PPP1R16A: variants seen among roughly 807,000 people sequenced by gnomAD.
The protein encoded by PPP1R16A is myosin phosphatase-targeting subunit 3.
A neutral mutation model predicts 46.6 loss-of-function variants in PPP1R16A; 39 were observed. The observed-to-expected ratio is 0.84, with a 90% CI of 0.65 to 1.09. The LOEUF (loss-of-function observed/expected upper bound fraction) is 1.09. Among genes scored for constraint, PPP1R16A ranks in the 50% least tolerant of loss-of-function variants. The pLI, the probability that PPP1R16A is intolerant of heterozygous loss-of-function variation, is 0.00. For missense variants in PPP1R16A, 798 were observed against 735.6 expected (o/e 1.08, Z -0.98); for synonymous variants, 413 against 321.5 (o/e 1.28, Z -3.04).
Position 144,500,923 on chromosome 8 carries a change from G to T in PPP1R16A, c.989G>T (p.Arg330Leu). 1 of 1,526,274 alleles carries T rather than the reference G, an allele frequency of 6.6e-7. No homozygotes were observed. Among genetic ancestry groups the T allele is most frequent in the Non-Finnish European group, 8.8e-7 (1 of 1,140,688 alleles). The allele number at this position is 1,526,274 out of a possible 1,614,324, so 94.5% of individuals were successfully genotyped here. A position where few individuals can be genotyped will look rare whatever the true frequency, so the allele number is the denominator to read the frequency against. ...GACGCCCTCCTGCGCGCCCAGAGCC[G>T]CCAGCGCTCCTTGCTGCGCCGCCGC... is the stretch of plus-strand genomic sequence containing the variant. ...KHDALLRAQSRQRSLLRRRTS... is the reference protein window; with the variant it reads ...KHDALLRAQSLQRSLLRRRTS... Residue 330 changes from arginine (R) to leucine (L), a missense_variant, in exon 10 of 12, where the codon CGC (arginine) becomes CTC (leucine). Physicochemically the swap from Arg to Leu is moderately radical, Grantham distance 102. Coordinates refer to ENST00000435887, the MANE Select transcript of PPP1R16A (RefSeq NM_001329443.2).
At position 144,498,822 on chromosome 8, in the gene PPP1R16A, C is replaced by T. The variant is rs763563306; in HGVS notation, c.312C>T (p.Gly104=). ...GVSPDLANED[G]LTALHQCCID... ...GCCCTGACTTGGCCAACGAGGACGGCCTGACGGCCCTGCACCAGGTCAGCC... is the reference window on the plus strand; with the variant it reads ...GCCCTGACTTGGCCAACGAGGACGGTCTGACGGCCCTGCACCAGGTCAGCC... The change falls in exon 4 of 12, where the codon GGC becomes GGT. Residue 104 remains glycine (G), a synonymous_variant. Coordinates refer to ENST00000435887, the MANE Select transcript of PPP1R16A (RefSeq NM_001329443.2). The T allele has an allele frequency of 3.7e-6, 6 of 1,607,068 alleles. No individual in the cohort carries two copies. In the South Asian group the frequency reaches 6.6e-5, roughly 18 times the overall value.
Position 144,484,957 on chromosome 8 carries a change from G to A in PPP1R16A, c.-913-5077G>A, listed in dbSNP as rs181912896. 1.2e-3 allele frequency among the ~76,000 whole-genome samples: 186 copies of A among 152,286 alleles called. No homozygotes were observed. The Middle Eastern group carries it at 0.017, about 14-fold the overall frequency. On this transcript the variant is annotated intron_variant, in intron 1 of 11. Coordinates refer to ENST00000435887, the MANE Select transcript of PPP1R16A (RefSeq NM_001329443.2). ...GCTGGGTGTTATGCAGGGGGAATCT[G>A]AGGAGCACTGAGATCACTGGGAAAG... is the stretch of plus-strand genomic sequence containing the variant.
chr8:144,486,262 T>G (rs1405453589), intron 1 of PPP1R16A, among the ~76,000 whole-genome samples: 4 of 152,092 alleles, frequency 2.6e-5, no homozygotes, highest in Non-Finnish European at 2.9e-5. Context: ...GATGGGGTTT[T>G]GCCATGTTAG....
intron 2 of PPP1R16A, chr8:144,495,322 A>AGT (rs112579694): frequency 0.034 from 5,218 of 152,346 alleles, 302 homozygotes; most frequent in African/African-American, 0.12. Context: ...CCTGGGTAGA[A>AGT]GTCCAGCAGT....
At chr8:144,479,820 A>G (rs369835708) in intron 1 of PPP1R16A, among the ~76,000 whole-genome samples, 1 of 152,186 alleles carries the variant, frequency 6.6e-6, no homozygotes, top group African/African-American at 2.4e-5. Flanking sequence ...CTCTCCTGGC[A>G]CTGGTGCACG....
chr8:144,500,996 C>A, intron 10 of PPP1R16A, 25 bp downstream of exon 10: 1 of 1,434,842 alleles, frequency 7.0e-7, no homozygotes, highest in Non-Finnish European at 9.0e-7. Context: ...CAGCAGGCCC[C>A]GCCCCGGGCT....
At chr8:144,497,708 G>A (rs1390914876) in intron 3 of PPP1R16A, 15 of 624,394 alleles carry the variant, frequency 2.4e-5, no homozygotes, top group South Asian at 2.3e-4. Context: ...GAGGGCTCCT[G>A]CTGTGAGGTG....
chr8:144,494,395 C>T (rs955401066), intron 2 of PPP1R16A, among the ~76,000 whole-genome samples: 1 of 152,072 alleles, frequency 6.6e-6, no homozygotes, highest in African/African-American at 2.4e-5. Flanking sequence ...TCGCTGCAGC[C>T]TCTACCTCCC....
chr8:144,488,915 C>T lies in PPP1R16A; in HGVS notation c.-913-1119C>T, dbSNP rs531392585. ...GTGGAGAGAGCCTGGATCAGAAGCC[C>T]CCTCCTGGCCTGGTGCAGTGGCTCA... On this transcript the variant is annotated intron_variant, in intron 1 of 11. Coordinates refer to ENST00000435887, the MANE Select transcript of PPP1R16A (RefSeq NM_001329443.2). Among the ~76,000 whole-genome samples, 4 of 151,740 alleles carry T rather than the reference C, an allele frequency of 2.6e-5. No individual in the cohort carries two copies. In the South Asian group the frequency reaches 8.4e-4, roughly 32 times the overall value.
At chr8:144,481,367 G>T (rs1825416304) in intron 1 of PPP1R16A, among the ~76,000 whole-genome samples, 1 of 151,960 alleles carries the variant, frequency 6.6e-6, no homozygotes, top group Non-Finnish European at 1.5e-5. Flanking sequence ...CATTGGCTGG[G>T]CGTGGGGGCT....
At position 144,500,308 on chromosome 8, in the gene PPP1R16A, G is replaced by T; in HGVS notation, c.622G>T (p.Glu208Ter). The T allele has an allele frequency of 1.3e-6, 2 of 1,542,938 alleles. No individual in the cohort carries two copies. Among genetic ancestry groups the T allele is most frequent in the Non-Finnish European group, 8.7e-7 (1 of 1,147,042 alleles). Residue 208 changes from glutamate (E) to a stop codon, truncating the protein, a stop_gained, in exon 7 of 12, where the codon GAA becomes TAA. Transcript: ENST00000435887. LOFTEE classifies it high-confidence loss of function. ...CATCGAGGCCGCCCGGGCCGTGCCA[G>T]AACTGCGCATGCTGGACGACATCCG... ...DSIEAARAVP[E>*]LRMLDDIRSR...
intron 1 of PPP1R16A, among the ~76,000 whole-genome samples, chr8:144,484,083 G>C (rs1825547518): frequency 6.6e-6 from 1 of 152,214 alleles, no homozygotes; most frequent in Non-Finnish European, 1.5e-5. Context: ...CCACACCTCT[G>C]TTGTCCTAAG....
rs1456356830 is a variant in PPP1R16A, at chr8:144,493,428, C to T, written c.-734-3033C>T. On this transcript the variant is annotated intron_variant, in intron 2 of 11. Transcript: ENST00000435887. The surrounding 1 kb of genome is among the most constrained non-coding windows in gnomAD (Gnocchi z 4.3). The stretch of plus-strand genomic sequence containing the variant: ...GGGACTACGAGCTGGCCACCAGGCT[C>T]TCATGGCTCAGCCAAGGGGCAAGTC... 6.6e-6 allele frequency among the ~76,000 whole-genome samples: 1 copy of T among 152,166 alleles called. No individual in the cohort carries two copies. Among genetic ancestry groups the T allele is most frequent in the African/African-American group, 2.4e-5 (1 of 41,444 alleles).
In PPP1R16A at chr8:144,501,793, C is replaced by G; in HGVS notation, c.1477C>G (p.Pro493Ala). 1 of 1,558,170 alleles carries G rather than the reference C, an allele frequency of 6.4e-7. No homozygotes were observed. Among genetic ancestry groups the G allele is most frequent in the Non-Finnish European group, 8.7e-7 (1 of 1,152,100 alleles). ...EPGLPGDTVT[P>A]QPDCGFRAGG... ...TGGCCTGCCTGGTGACACGGTGACC[C>G]CCCAGCCTGACTGTGGCTTCAGGGC... Residue 493 changes from proline to alanine, a missense_variant, in exon 12 of 12, where the codon CCC (proline) becomes GCC (alanine). Pro to Ala is a conservative substitution (Grantham distance 27). Coordinates refer to ENST00000435887, the MANE Select transcript of PPP1R16A (RefSeq NM_001329443.2).
chr8:144,501,752 C>A lies in PPP1R16A; in HGVS notation c.1436C>A (p.Pro479His). 6.4e-7 allele frequency: 1 copy of A among 1,571,814 alleles called. No homozygotes were observed. The highest frequency in any genetic ancestry group is 2.4e-5 in the East Asian group (1 of 41,812). ...CCCCCACCTGAGGGGCCCGAGAGCC[C>A]TGAGACAGCTGAGCCTGGCCTGCCT... is the stretch of plus-strand genomic sequence containing the variant. Reference protein sequence around the residue: ...QRPPPEGPESPETAEPGLPGD... With the variant: ...QRPPPEGPESHETAEPGLPGD... Residue 479 changes from proline (P) to histidine (H), a missense_variant, in exon 12 of 12, where the codon CCT becomes CAT. By Grantham distance (77) the Pro-to-His change is moderately conservative (BLOSUM62 -2). Transcript: ENST00000435887.
intron 1 of PPP1R16A, among the ~76,000 whole-genome samples, chr8:144,484,497 TTATCTTC>T (rs1235478584): frequency 3.3e-5 from 5 of 152,234 alleles, no homozygotes; most frequent in African/African-American, 1.2e-4. Flanking sequence ...GGGCTGGCTT[TTATCTTC>T]AGTTCTCGTT....
intron 1 of PPP1R16A, among the ~76,000 whole-genome samples, chr8:144,486,001 T>C (rs998664732): frequency 6.6e-6 from 1 of 152,184 alleles, no homozygotes; most frequent in Non-Finnish European, 1.5e-5. Flanking sequence ...TACTAGTGTG[T>C]TCCTTTGACT....
intron 2 of PPP1R16A, among the ~76,000 whole-genome samples, chr8:144,491,249 T>C (rs905889476): frequency 3.3e-5 from 5 of 152,150 alleles, no homozygotes; most frequent in African/African-American, 1.2e-4. Context: ...CACAGATATT[T>C]TTCCCAGAAT....
rs922424334 is a variant in PPP1R16A, at chr8:144,497,189, G to A, written c.-6G>A. The A allele has an allele frequency of 1.2e-5, 19 of 1,555,436 alleles. No homozygotes were observed. The highest frequency in any genetic ancestry group is 4.8e-5 in the East Asian group (2 of 41,374). On this transcript the variant is annotated 5_prime_UTR_variant, in exon 3 of 12. Transcript: ENST00000435887. ...CGAGCAGCCCTGTGGGCAAGCAGCC[G>A]CCGCCATGGCCGAGCACCTGGAGCT...
Sources: allele counts gnomAD v4.1 joint callset (sites outside exome capture counted in the v4.1 genomes callset), GRCh38; gene constraint gnomAD v4.1.1; non-coding constraint Gnocchi (gnomAD v3.1); transcripts MANE v1.5; gene names NCBI Gene and HGNC (gene_info 2026-07-23, HGNC 2026-07-21).